Variants in TRIM72 observed in about 807,000 individuals in gnomAD.
The protein encoded by TRIM72 is tripartite motif-containing protein 72.
TRIM72 carries 33 observed loss-of-function variants against 31.6 expected under a neutral mutation model. The ratio of observed to expected loss-of-function variants is 1.04; its 90% CI spans 0.79 to 1.40. The LOEUF (loss-of-function observed/expected upper bound fraction) is 1.40. TRIM72 is among the 40% of genes most tolerant of loss of function. TRIM72 has a pLI of 0.00. For synonymous variants in TRIM72, 301 were observed against 314.4 expected, an observed-to-expected ratio of 0.96 and a Z score of 0.45; for missense variants, 666 against 682.7, an observed-to-expected ratio of 0.98 and a Z score of 0.27.
At position 31,224,243 on chromosome 16, in the gene TRIM72, G is replaced by T. The variant is rs866681890; in HGVS notation, c.922G>T (p.Gly308Cys). Residue 308 changes from glycine (G) to cysteine (C), a missense_variant, in exon 7 of 7, where the codon GGC (glycine) becomes TGC (cysteine). By Grantham distance (159) the Gly-to-Cys change is radical. Coordinates refer to ENST00000322122, the MANE Select transcript of TRIM72 (RefSeq NM_001008274.4). ...CCCGAGCCTGGTGGTGTCTTCCTCTGGCCGCCGCGTGGAGTGCTCGGAGCA... is the reference window on the plus strand; with the variant it reads ...CCCGAGCCTGGTGGTGTCTTCCTCTTGCCGCCGCGTGGAGTGCTCGGAGCA... Reference protein sequence around the residue: ...AHPSLVVSSSGRRVECSEQKA... With the variant: ...AHPSLVVSSSCRRVECSEQKA... 6.2e-7 allele frequency: 1 copy of T among 1,604,976 alleles called. No individual in the cohort carries two copies. Among genetic ancestry groups the T allele is most frequent in the Non-Finnish European group, 8.5e-7 (1 of 1,179,830 alleles).
chr16:31,224,452 G>T lies in TRIM72; in HGVS notation c.1131G>T (p.Ser377=). Residue 377 remains serine, a synonymous_variant, in exon 7 of 7, where the codon TCG becomes TCT. Coordinates refer to ENST00000322122, the MANE Select transcript of TRIM72 (RefSeq NM_001008274.4). ...GCGGGCGCCTGCACGCGGTGCCCTC[G>T]CAGGGCCTGTGGCTGCTGGGGCTGC... The part of the protein sequence containing the change: ...PRRGRLHAVP[S]QGLWLLGLRE... 2.8e-6 allele frequency: 4 copies of T among 1,450,398 alleles called. No homozygotes were observed. In the South Asian group the frequency reaches 4.2e-5, roughly 15 times the overall value. The allele number at this position is 1,450,398 out of a possible 1,614,324, so 89.8% of individuals were successfully genotyped here. A position where few individuals can be genotyped will look rare whatever the true frequency, so the allele number is the denominator to read the frequency against.
Position 31,214,983 on chromosome 16 carries a change from C to T in TRIM72, c.245C>T (p.Pro82Leu). ...CTGGTGGAGGGGCTGGCCCAGGTGC[C>T]GCAGGGCCACTGCGAGGAGCACCTG... The part of the protein sequence containing the change: ...ARLVEGLAQV[P>L]QGHCEEHLDP... The change falls in exon 2 of 7, where the codon CCG becomes CTG. Residue 82 changes from proline to leucine, a missense_variant. Coordinates refer to ENST00000322122, the MANE Select transcript of TRIM72 (RefSeq NM_001008274.4). 2 of 1,493,442 alleles carry T rather than the reference C, an allele frequency of 1.3e-6. No homozygotes were observed. Among genetic ancestry groups the T allele is most frequent in the Non-Finnish European group, 8.9e-7 (1 of 1,129,576 alleles). The allele number at this position is 1,493,442 out of a possible 1,614,324, so 92.5% of individuals were successfully genotyped here.
chr16:31,225,061 A>T lies in TRIM72; in HGVS notation c.*306A>T, dbSNP rs942475430. The stretch of plus-strand genomic sequence containing the variant: ...AAAAATGAGCTGGGCGCGGTGGCAT[A>T]CGCCTGTAATCCCAGCTAGTTGGGA... On this transcript the variant is annotated 3_prime_UTR_variant, in exon 7 of 7. Coordinates refer to ENST00000322122, the MANE Select transcript of TRIM72 (RefSeq NM_001008274.4). The T allele has an allele frequency of 9.2e-6, 2 of 217,754 alleles. No homozygotes were observed. The highest frequency in any genetic ancestry group is 2.3e-5 in the African/African-American group (1 of 43,564). 13.5% of individuals were successfully genotyped at this position (217,754 alleles called of 1,614,324 possible).
intron 2 of TRIM72, chr16:31,217,218 C>T (rs1715917246): frequency 3.2e-6 from 2 of 630,346 alleles, no homozygotes; most frequent in Non-Finnish European, 5.3e-6. Flanking sequence ...CCCAGTTTCC[C>T]CTGGGAGAGT....
In TRIM72 at chr16:31,216,780, T is replaced by C; in HGVS notation, c.390+1652T>C. On this transcript the variant is annotated intron_variant, in intron 2 of 6. Transcript: ENST00000322122. This position sits in a 1 kb window ranked among gnomAD's most constrained non-coding sequence, Gnocchi z 6.7. The stretch of plus-strand genomic sequence containing the variant: ...GCCCTCACGCAGCCCGCTGCAGCCG[T>C]GCGGCCTCCTCCAACATGCGCATGT... 1 of 1,604,900 alleles carries C rather than the reference T, an allele frequency of 6.2e-7. No individual in the cohort carries two copies. The highest frequency in any genetic ancestry group is 8.5e-7 in the Non-Finnish European group (1 of 1,173,286).
rs1394854263 is a variant in TRIM72 at position 31,226,377 on chromosome 16, T to A, written c.*1622T>A. The A allele has an allele frequency of 6.6e-6, 1 of 152,204 alleles. No homozygotes were observed. The highest frequency in any genetic ancestry group is 1.5e-5 in the Non-Finnish European group (1 of 68,050). 9.4% of individuals were successfully genotyped at this position (152,204 alleles called of 1,614,324 possible). On this transcript the variant is annotated 3_prime_UTR_variant, in exon 7 of 7. Coordinates refer to ENST00000322122, the MANE Select transcript of TRIM72 (RefSeq NM_001008274.4). ...GGGAGTTTGAGGCAGGAGGCTCATT[T>A]GAGGCCAGGAGTTTGAGACCAGCCT... is the stretch of plus-strand genomic sequence containing the variant.
intron 5 of TRIM72, among the ~76,000 whole-genome samples, chr16:31,222,482 C>CTTTT (rs3060409): frequency 0.65 from 76,536 of 117,806 alleles, 26,031 homozygotes; most frequent in Middle Eastern, 0.83. Flanking sequence ...TCTTCTTCTT[C>CTTTT]TTTTTTTTTT....
intron 5 of TRIM72, among the ~76,000 whole-genome samples, chr16:31,222,082 A>T (rs546150259): frequency 6.6e-6 from 1 of 152,288 alleles, no homozygotes. Flanking sequence ...ACCTTATCCC[A>T]ACAGAAGGAT....
In TRIM72 at chr16:31,219,630, CAG is replaced by C; in HGVS notation, c.717+112_717+113del. On this transcript the variant is annotated intron_variant, in intron 4 of 6. Transcript: ENST00000322122. The surrounding 1 kb of genome is among the most constrained non-coding windows in gnomAD (Gnocchi z 4.2). ...GGGGCAGGGATAAGCCAGCAGCACA[CAG>C]CCGGGAGGGGCAGGCCTCAGGACTG... 1 of 1,027,318 alleles carries C rather than the reference CAG, an allele frequency of 9.7e-7. No homozygotes were observed. The highest frequency in any genetic ancestry group is 1.4e-6 in the Non-Finnish European group (1 of 692,908). The allele number at this position is 1,027,318 out of a possible 1,614,324, so 63.6% of individuals were successfully genotyped here.
At chr16:31,222,050 CT>C (rs1349747176) in intron 5 of TRIM72, among the ~76,000 whole-genome samples, 4 of 152,144 alleles carry the variant, frequency 2.6e-5, no homozygotes, top group Non-Finnish European at 5.9e-5. Context: ...TGTGTGCACA[CT>C]GGCGAAGCTG....
At chr16:31,222,108 T>C (rs1008264878) in intron 5 of TRIM72, among the ~76,000 whole-genome samples, 1 of 152,082 alleles carries the variant, frequency 6.6e-6, no homozygotes, top group African/African-American at 2.4e-5. Flanking sequence ...GAAAATGTAG[T>C]TGGGCCGGGT....
chr16:31,215,453 C>G lies in TRIM72; in HGVS notation c.390+325C>G, dbSNP rs886939823. Among the ~76,000 whole-genome samples, 13 of 152,132 alleles carry G rather than the reference C, an allele frequency of 8.5e-5. No homozygotes were observed. Among genetic ancestry groups the G allele is most frequent in the African/African-American group, 2.7e-4 (11 of 41,436 alleles). ...GTCTGATGGGCCGGGCGGAGCCAGG[C>G]GGAGCAGGGACTGACCAGCCCCTGC... On this transcript the variant is annotated intron_variant, in intron 2 of 6. Coordinates refer to ENST00000322122, the MANE Select transcript of TRIM72 (RefSeq NM_001008274.4). This position sits in a 1 kb window ranked among gnomAD's most constrained non-coding sequence, Gnocchi z 6.3.
chr16:31,217,016 G>A (rs775893534), intron 2 of TRIM72: 2 of 1,612,464 alleles, frequency 1.2e-6, no homozygotes, highest in South Asian at 1.1e-5. Flanking sequence ...ATGGCCTCGC[G>A]CTTCGTTCCC....
chr16:31,217,050 G>T, intron 2 of TRIM72: 4 of 1,600,510 alleles, frequency 2.5e-6, no homozygotes, highest in Non-Finnish European at 2.6e-6. Context: ...GCGCCTCTGA[G>T]CCTCCGAGGG....
Position 31,220,912 on chromosome 16 carries a change from C to T in TRIM72, c.734C>T (p.Thr245Ile), listed in dbSNP as rs1326631528. 6.2e-7 allele frequency: 1 copy of T among 1,614,186 alleles called. No homozygotes were observed. Among genetic ancestry groups the T allele is most frequent in the Non-Finnish European group, 8.5e-7 (1 of 1,180,034 alleles). ...TCTCTCCAGAAATACTGCCTGGTGA[C>T]CAGCAGGTGAGAGCAACCTGGCCCT... ...TEFLMKYCLVTSRLQKILAES... is the reference protein window; with the variant it reads ...TEFLMKYCLVISRLQKILAES... The change falls in exon 5 of 7, where the codon ACC becomes ATC. Residue 245 changes from threonine to isoleucine, a missense_variant. Transcript: ENST00000322122.
In TRIM72 at chr16:31,220,926, C is replaced by A. The variant is rs777711531; in HGVS notation, c.740+8C>A. On this transcript the variant is annotated splice_region_variant and intron_variant, in intron 5 of 6. Coordinates refer to ENST00000322122, the MANE Select transcript of TRIM72 (RefSeq NM_001008274.4). ...CTGCCTGGTGACCAGCAGGTGAGAG[C>A]AACCTGGCCCTGTCCCTTTGCCCGA... The A allele has an allele frequency of 3.7e-6, 6 of 1,614,210 alleles. No homozygotes were observed. The highest frequency in any genetic ancestry group is 5.1e-6 in the Non-Finnish European group (6 of 1,180,034).
chr16:31,224,666 G>C lies in TRIM72; in HGVS notation c.1345G>C (p.Val449Leu). Reference protein sequence around the residue: ...FAFHERLPRPVYPFFDVCWHD... With the variant: ...FAFHERLPRPLYPFFDVCWHD... ...CTTCCACGAGCGCCTGCCCAGGCCCGTGTACCCCTTCTTCGACGTGTGCTG... is the reference window on the plus strand; with the variant it reads ...CTTCCACGAGCGCCTGCCCAGGCCCCTGTACCCCTTCTTCGACGTGTGCTG... The change falls in exon 7 of 7, where the codon GTG becomes CTG. Residue 449 changes from valine (V) to leucine (L), a missense_variant. Coordinates refer to ENST00000322122, the MANE Select transcript of TRIM72 (RefSeq NM_001008274.4). The C allele has an allele frequency of 6.5e-7, 1 of 1,549,356 alleles. No homozygotes were observed. The highest frequency in any genetic ancestry group is 1.9e-5 in the Admixed American group (1 of 52,928).
At position 31,219,186 on chromosome 16, in the gene TRIM72, T is replaced by C; in HGVS notation, c.482T>C (p.Val161Ala). The C allele has an allele frequency of 6.2e-7, 1 of 1,611,272 alleles. No individual in the cohort carries two copies. The highest frequency in any genetic ancestry group is 8.5e-7 in the Non-Finnish European group (1 of 1,178,976). ...GTGCTGGAGCATCAGCTGGTGGAGG[T>C]GGAGGTGAGGACTTCACAGGGCCAT... Reference protein sequence around the residue: ...VAVLEHQLVEVEETVRQFRGA... With the variant: ...VAVLEHQLVEAEETVRQFRGA... The change falls in exon 3 of 7, where the codon GTG becomes GCG. Residue 161 changes from valine (V) to alanine (A), a missense_variant. Val to Ala is a moderately conservative substitution (Grantham distance 64). Coordinates refer to ENST00000322122, the MANE Select transcript of TRIM72 (RefSeq NM_001008274.4). The surrounding 1 kb of genome is among the most constrained non-coding windows in gnomAD (Gnocchi z 4.2).
Position 31,222,875 on chromosome 16 carries a change from C to A in TRIM72, c.789C>A (p.Ile263=). Residue 263 remains isoleucine, a synonymous_variant, in exon 6 of 7, where the codon ATC becomes ATA. Transcript: ENST00000322122. The stretch of plus-strand genomic sequence containing the variant: ...CTCCCCCACCCGCCCGTCTGGACAT[C>A]CAGCTGCCAATTATCTCAGATGACT... The part of the protein sequence containing the change: ...AESPPPARLD[I]QLPIISDDFK... The A allele has an allele frequency of 6.6e-7, 1 of 1,505,428 alleles. No individual in the cohort carries two copies. Among genetic ancestry groups the A allele is most frequent in the Non-Finnish European group, 8.9e-7 (1 of 1,126,632 alleles). 93.3% of individuals were successfully genotyped at this position (1,505,428 alleles called of 1,614,324 possible). A position where few individuals can be genotyped will look rare whatever the true frequency, so the allele number is the denominator to read the frequency against.
Sources: gnomAD v4.1 joint callset for allele counts (sites outside exome capture counted in the v4.1 genomes callset) on GRCh38, gnomAD v4.1.1 for gene constraint, Gnocchi (gnomAD v3.1) non-coding constraint, MANE v1.5 for transcripts, NCBI Gene and HGNC (gene_info 2026-07-23, HGNC 2026-07-21) for gene names.